The following TASP1 variants were observed in gnomAD, a reference collection of about 807,000 sequenced individuals.
The protein encoded by TASP1 is taspase 1, also known as threonine aspartase 1.
A neutral mutation model predicts 56.6 loss-of-function variants in TASP1; 16 were observed. The observed-to-expected ratio is 0.28, with a 90% CI of 0.19 to 0.43. TASP1 has a LOEUF of 0.43. Ranked by LOEUF, TASP1 falls within the 20% of genes least tolerant of loss-of-function variation. The pLI is 1.00. For missense variants in TASP1, 393 were observed against 511.6 expected, an observed-to-expected ratio of 0.77 and a Z score of 2.24; for synonymous variants, 179 against 184.2, an observed-to-expected ratio of 0.97 and a Z score of 0.23.
At chr20:13,248,427 C>T in the TASP1 span, among the ~76,000 whole-genome samples, 3 of 152,112 alleles carry the variant, frequency 2.0e-5, no homozygotes, top group Non-Finnish European at 4.4e-5. Context: ...CCAGAGGAAG[C>T]TATTTTTTTA....
intron 13 of TASP1, among the ~76,000 whole-genome samples, chr20:13,406,668 CTTTT>C (rs149352395): frequency 8.5e-6 from 1 of 117,682 alleles, no homozygotes; most frequent in Admixed American, 8.7e-5. Context: ...AGGGTTTTTT[CTTTT>C]TTTTTTTTTT....
At chr20:13,352,468 C>T in the TASP1 span, among the ~76,000 whole-genome samples, 1 of 149,542 alleles carries the variant, frequency 6.7e-6, no homozygotes, top group Non-Finnish European at 1.5e-5. Context: ...AAAAAAAATG[C>T]ATTAACTTTT....
chr20:13,261,427 A>G, the TASP1 span, among the ~76,000 whole-genome samples: 1 of 122,242 alleles, frequency 8.2e-6, no homozygotes, highest in Admixed American at 9.0e-5. Context: ...CTCTGTCTCA[A>G]AAAAAAAAAA....
chr20:13,217,270 GC>G, the TASP1 span, among the ~76,000 whole-genome samples: 2 of 152,120 alleles, frequency 1.3e-5, no homozygotes, highest in Non-Finnish European at 2.9e-5. Flanking sequence ...GACAAGATTG[GC>G]CATAAGTTTT....
At chr20:13,125,700 C>T in the TASP1 span, among the ~76,000 whole-genome samples, 2 of 152,200 alleles carry the variant, frequency 1.3e-5, no homozygotes, top group Admixed American at 1.3e-4. Context: ...TTGTCATCCT[C>T]CAGCAAGCTA....
chr20:13,610,097 A>C (rs2048300676), intron 4 of TASP1, among the ~76,000 whole-genome samples: 1 of 152,370 alleles, frequency 6.6e-6, no homozygotes, highest in Admixed American at 6.5e-5. Context: ...TGGGTGGTCC[A>C]CAAGGGGGAA....
At chr20:13,578,835 TA>T (rs1246189180) in intron 6 of TASP1, among the ~76,000 whole-genome samples, 1 of 152,228 alleles carries the variant, frequency 6.6e-6, no homozygotes. Flanking sequence ...CAACCTGTGT[TA>T]ATTACTATAG....
At chr20:13,140,261 A>G in the TASP1 span, among the ~76,000 whole-genome samples, 5 of 152,310 alleles carry the variant, frequency 3.3e-5, no homozygotes, top group African/African-American at 1.2e-4. Flanking sequence ...ATTTAAAAAC[A>G]TGAACTGATT....
At chr20:13,312,024 C>T in the TASP1 span, among the ~76,000 whole-genome samples, 2 of 151,984 alleles carry the variant, frequency 1.3e-5, no homozygotes, top group African/African-American at 4.8e-5. Flanking sequence ...TCACATTGTA[C>T]ACCATAAATA....
intron 13 of TASP1, among the ~76,000 whole-genome samples, chr20:13,392,028 G>C (rs1255446224): frequency 6.7e-6 from 1 of 149,300 alleles, no homozygotes; most frequent in African/African-American, 2.5e-5. Context: ...CCTAAAAACA[G>C]ACCACTTTCT....
At chr20:13,513,466 T>C (rs550106899) in intron 10 of TASP1, among the ~76,000 whole-genome samples, 2 of 151,888 alleles carry the variant, frequency 1.3e-5, no homozygotes, top group East Asian at 3.9e-4. Context: ...AGAGGGAGAA[T>C]GGCTGCAGAA....
At chr20:13,267,319 G>A in the TASP1 span, among the ~76,000 whole-genome samples, 6 of 152,164 alleles carry the variant, frequency 3.9e-5, no homozygotes, top group East Asian at 7.7e-4. Context: ...GGGGCAGGGC[G>A]GTTCGGAGAG....
At chr20:13,509,283 A>C (rs1034709101) in intron 10 of TASP1, among the ~76,000 whole-genome samples, 2 of 152,138 alleles carry the variant, frequency 1.3e-5, no homozygotes, top group African/African-American at 4.8e-5. Context: ...GTTCTCACTT[A>C]TATATAAAAA....
the TASP1 span, among the ~76,000 whole-genome samples, chr20:13,262,502 A>G: frequency 1.4e-5 from 2 of 144,082 alleles, no homozygotes; most frequent in Non-Finnish European, 3.0e-5. Flanking sequence ...CCACTCGTGT[A>G]CTCTGCTTCT....
At chr20:13,181,883 T>G in the TASP1 span, among the ~76,000 whole-genome samples, 197 of 152,342 alleles carry the variant, frequency 1.3e-3, 1 homozygote, top group Non-Finnish European at 1.7e-3. Context: ...GCATAGTGTA[T>G]GTGCTCAATA....
the TASP1 span, among the ~76,000 whole-genome samples, chr20:13,209,519 G>A: frequency 8.5e-5 from 13 of 152,092 alleles, no homozygotes; most frequent in Non-Finnish European, 1.9e-4. Flanking sequence ...AATGGAGAAA[G>A]ACCTTCCATT....
At chr20:13,283,034 T>C in the TASP1 span, among the ~76,000 whole-genome samples, 1 of 152,118 alleles carries the variant, frequency 6.6e-6, no homozygotes, top group East Asian at 1.9e-4. Context: ...TTCTTTCTGT[T>C]TTTTTATTTA....
At position 13,414,445 on chromosome 20, in the gene TASP1, G is replaced by T. The variant is rs1286894134; in HGVS notation, c.1170+3003C>A. Among the ~76,000 whole-genome samples the T allele has an allele frequency of 2.0e-5, 3 of 152,162 alleles. No homozygotes were observed. The East Asian group carries it at 5.8e-4, about 29-fold the overall frequency. Reference sequence around the variant, plus strand: ...TATTTTTCCCTGCAACTAATAAGAAGTCTGTGGAGAGACACTTAAAGACTA... The same window carrying T: ...TATTTTTCCCTGCAACTAATAAGAATTCTGTGGAGAGACACTTAAAGACTA... On this transcript the variant is annotated intron_variant, in intron 13 of 13. Coordinates refer to ENST00000337743, the MANE Select transcript of TASP1 (RefSeq NM_017714.3).
chr20:13,539,010 T>C (rs2045522294), intron 8 of TASP1, among the ~76,000 whole-genome samples: 1 of 152,180 alleles, frequency 6.6e-6, no homozygotes, highest in Non-Finnish European at 1.5e-5. Flanking sequence ...ATCACGCCAC[T>C]GCACTCCAGC....
Sources: gnomAD v4.1 joint callset for allele counts (sites outside exome capture counted in the v4.1 genomes callset) on GRCh38, gnomAD v4.1.1 for gene constraint, MANE v1.5 for transcripts, NCBI Gene and HGNC (gene_info 2026-07-23, HGNC 2026-07-21) for gene names.